CREB5: variants seen among roughly 807,000 people sequenced by gnomAD.
CREB5 encodes the protein cAMP responsive element binding protein 5, also known as cyclic AMP-responsive element-binding protein 5.
In CREB5, 19 loss-of-function variants were observed where a neutral mutation model predicts 57.1. That is an observed-to-expected ratio of 0.33 (90% CI 0.23 to 0.49). The LOEUF (loss-of-function observed/expected upper bound fraction) is 0.49. Ranked by LOEUF, CREB5 falls within the 20% of genes least tolerant of loss-of-function variation. The probability of loss-of-function intolerance (pLI) is 0.99; values close to 1 mark genes in which losing one functional copy is unlikely to be tolerated. For synonymous variants in CREB5, 238 were observed against 238.3 expected, an observed-to-expected ratio of 1.00 and a Z score of 0.01; for missense variants, 579 against 671.6, an observed-to-expected ratio of 0.86 and a Z score of 1.52.
chr7:28,725,407 T>A lies in CREB5; in HGVS notation c.702+1075T>A, dbSNP rs182763999. On this transcript the variant is annotated intron_variant, in intron 7 of 10. Transcript: ENST00000357727. ...CCCGAGGAATCAACTGAGCTCCCAG[T>A]GCTGGCTACCTTGGGCAAATAAAAT... Among the ~76,000 whole-genome samples the A allele has an allele frequency of 6.9e-4, 105 of 152,324 alleles. 1 individual carries two copies. The East Asian group carries it at 0.02, about 29-fold the overall frequency.
chr7:28,363,272 G>A (rs1311211175), intron 1 of CREB5, among the ~76,000 whole-genome samples: 1 of 151,998 alleles, frequency 6.6e-6, no homozygotes, highest in Non-Finnish European at 1.5e-5. Context: ...GGTGTTCTTG[G>A]TCCTGACCCA....
intron 3 of CREB5, among the ~76,000 whole-genome samples, chr7:28,497,756 T>A (rs1029957732): frequency 1.3e-5 from 2 of 152,236 alleles, no homozygotes; most frequent in African/African-American, 4.8e-5. Flanking sequence ...TTGGGTATTT[T>A]TACTTTGTTA....
chr7:28,688,586 A>G (rs1288299969), intron 5 of CREB5, among the ~76,000 whole-genome samples: 1 of 152,012 alleles, frequency 6.6e-6, no homozygotes, highest in Non-Finnish European at 1.5e-5. Flanking sequence ...TCCAGACAAT[A>G]CTCCTATTCT....
intron 5 of CREB5, among the ~76,000 whole-genome samples, chr7:28,614,899 A>T (rs1380956039): frequency 6.6e-6 from 1 of 152,216 alleles, no homozygotes; most frequent in African/African-American, 2.4e-5. Context: ...CATTTCATTC[A>T]TATTTTAACA....
intron 1 of CREB5, among the ~76,000 whole-genome samples, chr7:28,478,112 AACAG>A (rs1171191533): frequency 1.3e-5 from 2 of 152,166 alleles, no homozygotes; most frequent in Non-Finnish European, 2.9e-5. Flanking sequence ...TCTCAAAACA[AACAG>A]ACAAACAAAC....
At chr7:28,669,312 A>G (rs1460725882) in intron 5 of CREB5, among the ~76,000 whole-genome samples, 2 of 152,242 alleles carry the variant, frequency 1.3e-5, no homozygotes, top group Non-Finnish European at 2.9e-5. Context: ...GGCAACGTTT[A>G]CTTTGATTTG....
intron 5 of CREB5, among the ~76,000 whole-genome samples, chr7:28,642,977 C>T (rs200366388): frequency 0.047 from 5,221 of 110,336 alleles, 161 homozygotes; most frequent in African/African-American, 0.1. Flanking sequence ...CACACACACA[C>T]ACACACACAT....
chr7:28,560,885 T>TGCGTGTGTGTGCGTGCGC (rs1554344385), intron 4 of CREB5, among the ~76,000 whole-genome samples: 2 of 26,478 alleles, frequency 7.6e-5, no homozygotes, highest in Non-Finnish European at 1.5e-4. Context: ...CGTGCGTGCG[T>TGCGTGTGTGTGCGTGCGC]GCGTGTGTGT....
chr7:28,511,491 T>G (rs1675162720), intron 4 of CREB5, among the ~76,000 whole-genome samples: 3 of 152,112 alleles, frequency 2.0e-5, no homozygotes, highest in Admixed American at 1.3e-4. Flanking sequence ...GACAATTTTT[T>G]GGGCTTTTTT....
At chr7:28,809,805 C>CAAACT (rs1808996041) in intron 9 of CREB5, among the ~76,000 whole-genome samples, 1 of 152,162 alleles carries the variant, frequency 6.6e-6, no homozygotes, top group Non-Finnish European at 1.5e-5. Context: ...GAGCAATAAA[C>CAAACT]AAACTAATGT....
At chr7:28,367,716 G>C (rs1010509388) in intron 1 of CREB5, among the ~76,000 whole-genome samples, 5 of 152,178 alleles carry the variant, frequency 3.3e-5, no homozygotes, top group African/African-American at 1.2e-4. Context: ...GCTGAGGCAG[G>C]AGAATTGCTT....
intron 1 of CREB5, among the ~76,000 whole-genome samples, chr7:28,421,744 C>A (rs1322141655): frequency 8.6e-6 from 1 of 115,804 alleles, no homozygotes; most frequent in African/African-American, 3.4e-5. Flanking sequence ...GCCTTTAGCA[C>A]CATATATATA....
chr7:28,723,212 T>C (rs892271781), intron 6 of CREB5, among the ~76,000 whole-genome samples: 31 of 152,248 alleles, frequency 2.0e-4, no homozygotes, highest in Admixed American at 6.5e-5. Context: ...GAGGAAAGTC[T>C]AATTCTTTTC....
At chr7:28,368,296 T>A (rs1434803687) in intron 1 of CREB5, among the ~76,000 whole-genome samples, 1 of 152,060 alleles carries the variant, frequency 6.6e-6, no homozygotes, top group African/African-American at 2.4e-5. Context: ...AGTATTCGGG[T>A]GACAAGTACA....
chr7:28,700,340 G>A lies in CREB5; in HGVS notation c.465-18413G>A, dbSNP rs531031250. ...TCGAGGACCATCCCCTGGAACCCCC[G>A]GGGTATTAAATAACACTTTGAGGGG... On this transcript the variant is annotated intron_variant, in intron 5 of 10. Coordinates refer to ENST00000357727, the MANE Select transcript of CREB5 (RefSeq NM_182898.4). 4.3e-4 allele frequency among the ~76,000 whole-genome samples: 66 copies of A among 152,126 alleles called. No homozygotes were observed. The South Asian group carries it at 1.0e-2, about 23-fold the overall frequency.
chr7:28,560,897 C>CGCGT (rs1554344445), intron 4 of CREB5, among the ~76,000 whole-genome samples: 10 of 22,546 alleles, frequency 4.4e-4, no homozygotes, highest in African/African-American at 6.3e-4. Flanking sequence ...CGTGTGTGTG[C>CGCGT]GTGCGCGCGT....
intron 1 of CREB5, among the ~76,000 whole-genome samples, chr7:28,306,194 C>G (rs974752861): frequency 6.6e-5 from 10 of 152,272 alleles, no homozygotes; most frequent in African/African-American, 2.2e-4. Flanking sequence ...TAGGCAGAAA[C>G]CCACAGAGTG....
intron 1 of CREB5, among the ~76,000 whole-genome samples, chr7:28,445,718 A>AT (rs1298642914): frequency 1.7e-4 from 26 of 151,738 alleles, no homozygotes; most frequent in Non-Finnish European, 2.8e-4. Context: ...CGCCTGGCTA[A>AT]TTTTTTGTAT....
At position 28,798,797 on chromosome 7, in the gene CREB5, T is replaced by C. The variant is rs377753704; in HGVS notation, c.703-5402T>C. Reference sequence around the variant, plus strand: ...TTTTTCTTTCTTTCTTGCAGTCATGTCAGTAATAGCCCTGGGTTTTATAGC... The same window carrying C: ...TTTTTCTTTCTTTCTTGCAGTCATGCCAGTAATAGCCCTGGGTTTTATAGC... On this transcript the variant is annotated intron_variant, in intron 7 of 10. Transcript: ENST00000357727. 2.0e-5 allele frequency among the ~76,000 whole-genome samples: 3 copies of C among 152,250 alleles called. No individual in the cohort carries two copies. In the South Asian group the frequency reaches 6.2e-4, roughly 32 times the overall value.
Sources: gnomAD v4.1 joint callset for allele counts (sites outside exome capture counted in the v4.1 genomes callset) on GRCh38, gnomAD v4.1.1 for gene constraint, MANE v1.5 for transcripts, NCBI Gene and HGNC (gene_info 2026-07-23, HGNC 2026-07-21) for gene names.